The following BRINP3 variants were observed in gnomAD, a reference collection of about 807,000 sequenced individuals.
BRINP3 encodes BMP/retinoic acid-inducible neural-specific protein 3.
A neutral mutation model predicts 71.0 loss-of-function variants in BRINP3; 19 were observed. That is an observed-to-expected ratio of 0.27 (90% CI 0.19 to 0.39). BRINP3 has a LOEUF of 0.39. BRINP3 is among the 10% of genes least tolerant of loss of function. The pLI, the probability that BRINP3 is intolerant of heterozygous loss-of-function variation, is 1.00. For synonymous variants in BRINP3, 380 were observed against 337.7 expected (o/e 1.13, Z -1.37); for missense variants, 959 against 940.8 (o/e 1.02, Z -0.25).
intron 2 of BRINP3, among the ~76,000 whole-genome samples, chr1:190,398,813 C>T (rs1349516712): frequency 2.6e-5 from 4 of 151,948 alleles, no homozygotes; most frequent in African/African-American, 9.7e-5. Context: ...ATGTTGTTCC[C>T]TCTTCCTTGA....
At chr1:190,160,973 C>T in intron 6 of BRINP3, 83 bp from the exon 7 acceptor site, 1 of 909,370 alleles carries the variant, frequency 1.1e-6, no homozygotes. Flanking sequence ...ATATTAAGAA[C>T]AAATACATAT....
At chr1:190,429,250 A>G (rs1397642210) in intron 2 of BRINP3, among the ~76,000 whole-genome samples, 2 of 152,204 alleles carry the variant, frequency 1.3e-5, no homozygotes, top group Non-Finnish European at 2.9e-5. Flanking sequence ...GGACAAAGGC[A>G]TATGTGCAAA....
At chr1:190,306,665 T>A (rs899690885) in intron 2 of BRINP3, among the ~76,000 whole-genome samples, 2 of 148,018 alleles carry the variant, frequency 1.4e-5, no homozygotes, top group Non-Finnish European at 3.0e-5. Context: ...GATGGATCAG[T>A]TTTTTTTTTA....
intron 6 of BRINP3, among the ~76,000 whole-genome samples, chr1:190,181,195 A>G (rs971708635): frequency 9.9e-5 from 15 of 152,118 alleles, no homozygotes; most frequent in African/African-American, 3.6e-4. Context: ...TTTACTTATC[A>G]TAATGCCCTC....
chr1:190,427,862 G>GT (rs35384279), intron 2 of BRINP3, among the ~76,000 whole-genome samples: 26,510 of 140,712 alleles, frequency 0.19, 2,347 homozygotes, highest in South Asian at 0.21. Flanking sequence ...TATGCATTAG[G>GT]TTTTTTTTTT....
intron 2 of BRINP3, among the ~76,000 whole-genome samples, chr1:190,414,244 G>A (rs1453171566): frequency 6.6e-6 from 1 of 151,870 alleles, no homozygotes; most frequent in Non-Finnish European, 1.5e-5. Flanking sequence ...GTTTTCTGAG[G>A]GTATTGAGCC....
chr1:190,160,781 T>C lies in BRINP3; in HGVS notation c.1071A>G (p.Gln357=), dbSNP rs1391351514. 6.2e-7 allele frequency: 1 copy of C among 1,613,664 alleles called. No homozygotes were observed. Among genetic ancestry groups the C allele is most frequent in the South Asian group, 1.1e-5 (1 of 91,072 alleles). Reference sequence around the variant, plus strand: ...AAAGTTGTTTCATGCTGTTCTCCAGTTGTTCATAACGGCGCTGAAAATTAG... The same window carrying C: ...AAAGTTGTTTCATGCTGTTCTCCAGCTGTTCATAACGGCGCTGAAAATTAG... The part of the protein sequence containing the change: ...MDSNFQRRYE[Q]LENSMKQLFL... Residue 357 remains glutamine (Q), a synonymous_variant, in exon 7 of 8, where the codon CAA becomes CAG. Transcript: ENST00000367462.
At chr1:190,173,057 C>T (rs528772591) in intron 6 of BRINP3, among the ~76,000 whole-genome samples, 15 of 152,274 alleles carry the variant, frequency 9.9e-5, no homozygotes, top group African/African-American at 3.6e-4. Context: ...TTCATGTGAG[C>T]ACTAATTCCC....
At chr1:190,164,643 T>A (rs1367519047) in intron 6 of BRINP3, among the ~76,000 whole-genome samples, 3 of 152,232 alleles carry the variant, frequency 2.0e-5, no homozygotes, top group Admixed American at 2.0e-4. Context: ...CAGGCTGAAG[T>A]AGGGTGGCAT....
At chr1:190,411,709 A>T (rs968143092) in intron 2 of BRINP3, among the ~76,000 whole-genome samples, 6 of 152,226 alleles carry the variant, frequency 3.9e-5, no homozygotes, top group Non-Finnish European at 8.8e-5. Flanking sequence ...TAAGAATTTT[A>T]AAAAGTTATG....
intron 2 of BRINP3, among the ~76,000 whole-genome samples, chr1:190,443,754 T>G (rs1322121539): frequency 6.6e-6 from 1 of 152,170 alleles, no homozygotes; most frequent in Non-Finnish European, 1.5e-5. Flanking sequence ...TGGAAACATC[T>G]GACAGCGACT....
intron 6 of BRINP3, among the ~76,000 whole-genome samples, chr1:190,169,652 C>T (rs1484654184): frequency 6.6e-6 from 1 of 152,026 alleles, no homozygotes; most frequent in Admixed American, 6.6e-5. Context: ...TACTGTGTAC[C>T]AATCACTGTG....
Position 190,440,359 on chromosome 1 carries a change from A to C in BRINP3, c.236+14296T>G, listed in dbSNP as rs151307058. Among the ~76,000 whole-genome samples, 489 of 152,104 alleles carry C rather than the reference A, an allele frequency of 3.2e-3. 3 individuals are homozygous for C. Among genetic ancestry groups the C allele is most frequent in the South Asian group, 0.014 (69 of 4,828 alleles). On this transcript the variant is annotated intron_variant, in intron 2 of 7. Coordinates refer to ENST00000367462, the MANE Select transcript of BRINP3 (RefSeq NM_199051.3). Reference sequence around the variant, plus strand: ...CAGTGTTCATTCAATATAATTATGTAAATCACCAAACTATACTCAAAACAA... The same window carrying C: ...CAGTGTTCATTCAATATAATTATGTCAATCACCAAACTATACTCAAAACAA...
chr1:190,475,809 A>G (rs901302822), intron 1 of BRINP3: 2 of 151,976 alleles, frequency 1.3e-5, no homozygotes, highest in Non-Finnish European at 2.9e-5. Context: ...TCCTTACTGG[A>G]TCTGACTGTA....
At chr1:190,442,445 A>C (rs1456353914) in intron 2 of BRINP3, among the ~76,000 whole-genome samples, 4 of 152,162 alleles carry the variant, frequency 2.6e-5, no homozygotes, top group Non-Finnish European at 5.9e-5. Context: ...CAGCCAGGGA[A>C]CTGTCCATCA....
At chr1:190,213,729 T>C (rs1004456006) in intron 6 of BRINP3, among the ~76,000 whole-genome samples, 1 of 151,660 alleles carries the variant, frequency 6.6e-6, no homozygotes, top group Non-Finnish European at 1.5e-5. Flanking sequence ...AAAGCCCAAG[T>C]AAAACTCTAA....
At chr1:190,459,457 A>G (rs1289508625) in intron 1 of BRINP3, among the ~76,000 whole-genome samples, 2 of 152,028 alleles carry the variant, frequency 1.3e-5, no homozygotes, top group African/African-American at 2.4e-5. Flanking sequence ...AATATTTACT[A>G]TAACAGTAAA....
intron 2 of BRINP3, among the ~76,000 whole-genome samples, chr1:190,428,896 T>C (rs1673904198): frequency 6.6e-6 from 1 of 152,142 alleles, no homozygotes; most frequent in African/African-American, 2.4e-5. Context: ...AAGCATTTAA[T>C]TGGATTCTCA....
chr1:190,120,169 T>A (rs1412248502), intron 7 of BRINP3, among the ~76,000 whole-genome samples: 1 of 152,216 alleles, frequency 6.6e-6, no homozygotes, highest in African/African-American at 2.4e-5. Flanking sequence ...CTAGTGATTC[T>A]GAATTCAAAG....
Sources: gnomAD v4.1 joint callset for allele counts (sites outside exome capture counted in the v4.1 genomes callset) on GRCh38, gnomAD v4.1.1 for gene constraint, MANE v1.5 for transcripts, NCBI Gene and HGNC (gene_info 2026-07-23, HGNC 2026-07-21) for gene names.